ARSG: variants seen among roughly 807,000 people sequenced by gnomAD.
ARSG encodes arylsulfatase G, also known as ASG.
A neutral mutation model predicts 50.5 loss-of-function variants in ARSG; 37 were observed. The observed-to-expected ratio is 0.73, with a 90% CI of 0.56 to 0.96. ARSG has a LOEUF of 0.96. ARSG is among the 50% of genes least tolerant of loss of function. ARSG has a pLI of 0.00. For missense variants in ARSG, 629 were observed against 675.3 expected (o/e 0.93, Z 0.76); for synonymous variants, 225 against 254.6 (o/e 0.88, Z 1.11).
At chr17:68,265,232 G>A (rs1358542705) in intron 1 of ARSG, among the ~76,000 whole-genome samples, 1 of 151,760 alleles carries the variant, frequency 6.6e-6, no homozygotes, top group Non-Finnish European at 1.5e-5. Flanking sequence ...GGTGACTCAT[G>A]CCTGTAATCC....
chr17:68,448,822 C>T, the ARSG span, among the ~76,000 whole-genome samples: 92 of 152,270 alleles, frequency 6.0e-4, no homozygotes, highest in Admixed American at 1.7e-3. Context: ...GTGAAAACAC[C>T]TGAGTCAAGA....
rs2082708790 is a variant in ARSG, at chr17:68,420,550, C to A, written c.*87C>A. ...TTCATTTTTACCCTCTTTACAAACA[C>A]ACGCTTTAGTTTAGTCTTGGAGTTT... is the stretch of plus-strand genomic sequence containing the variant. On this transcript the variant is annotated 3_prime_UTR_variant, in exon 12 of 12. Coordinates refer to ENST00000621439, the MANE Select transcript of ARSG (RefSeq NM_001267727.2). The A allele has an allele frequency of 2.1e-6, 3 of 1,438,940 alleles. No homozygotes were observed. The highest frequency in any genetic ancestry group is 2.9e-6 in the Non-Finnish European group (3 of 1,042,376). The allele number at this position is 1,438,940 out of a possible 1,614,324, so 89.1% of individuals were successfully genotyped here.
At chr17:68,326,215 A>T (rs1157535393) in intron 2 of ARSG, among the ~76,000 whole-genome samples, 1 of 152,234 alleles carries the variant, frequency 6.6e-6, no homozygotes, top group Non-Finnish European at 1.5e-5. Flanking sequence ...GTGCTGCTGC[A>T]GGTGTAGCCG....
At chr17:68,366,353 G>A (rs1385617536) in intron 6 of ARSG, among the ~76,000 whole-genome samples, 1 of 152,098 alleles carries the variant, frequency 6.6e-6, no homozygotes, top group Non-Finnish European at 1.5e-5. Context: ...GCCAGATCTA[G>A]GCACCACTGC....
intron 4 of ARSG, among the ~76,000 whole-genome samples, chr17:68,351,221 GT>G (rs537898704): frequency 7.0e-4 from 100 of 143,264 alleles, no homozygotes; most frequent in Non-Finnish European, 1.1e-3. Context: ...AAGAACAACT[GT>G]TTTTTTTTTA....
chr17:68,265,154 C>G (rs1429751189), intron 1 of ARSG, among the ~76,000 whole-genome samples: 3 of 105,174 alleles, frequency 2.9e-5, no homozygotes, highest in Non-Finnish European at 5.8e-5. Flanking sequence ...AACTCCATCT[C>G]AGAAAAAAAA....
chr17:68,425,817 G>A, downstream of ARSG: 1 of 404,538 alleles, frequency 2.5e-6, no homozygotes, highest in Non-Finnish European at 4.4e-6. Context: ...TCTGGCTGGA[G>A]GGAGGCCACC....
intron 2 of ARSG, among the ~76,000 whole-genome samples, chr17:68,338,020 C>T (rs558299139): frequency 6.6e-6 from 1 of 152,306 alleles, no homozygotes; most frequent in East Asian, 1.9e-4. Flanking sequence ...ACCCCCCAGG[C>T]ATTCAGGTGC....
rs1251545830 is a variant in ARSG, at chr17:68,367,238, A to G, written c.705-1310A>G. On this transcript the variant is annotated intron_variant, in intron 6 of 11. Coordinates refer to ENST00000621439, the MANE Select transcript of ARSG (RefSeq NM_001267727.2). This position sits in a 1 kb window ranked among gnomAD's most constrained non-coding sequence, Gnocchi z 4.5. ...GGGACTTGTGTCCAGGGTTTTATGC[A>G]TAGCAAAGAGAACTGAGTGCAAGCA... Among the ~76,000 whole-genome samples, 1 of 152,212 alleles carries G rather than the reference A, an allele frequency of 6.6e-6. No homozygotes were observed. Among genetic ancestry groups the G allele is most frequent in the African/African-American group, 2.4e-5 (1 of 41,462 alleles).
intron 2 of ARSG, among the ~76,000 whole-genome samples, chr17:68,326,506 A>C (rs191814490): frequency 2.6e-5 from 4 of 152,288 alleles, no homozygotes; most frequent in Non-Finnish European, 5.9e-5. Flanking sequence ...CTCTACTCTA[A>C]ATACAAAAAT....
At chr17:68,370,765 A>G (rs1204376900) in intron 8 of ARSG, among the ~76,000 whole-genome samples, 3 of 152,068 alleles carry the variant, frequency 2.0e-5, no homozygotes. Context: ...GAACTTCCCA[A>G]AGGCGACCAG....
chr17:68,320,876 G>A (rs2077256726), intron 2 of ARSG, among the ~76,000 whole-genome samples: 1 of 152,168 alleles, frequency 6.6e-6, no homozygotes, highest in South Asian at 2.1e-4. Context: ...CTATGTGTAT[G>A]TCGCATTGTC....
At chr17:68,382,764 G>A (rs1026085437) in intron 8 of ARSG, among the ~76,000 whole-genome samples, 10 of 152,306 alleles carry the variant, frequency 6.6e-5, no homozygotes, top group Middle Eastern at 3.4e-3. Context: ...TTTTACAATT[G>A]CCTGTTCACA....
At chr17:68,357,359 T>A (rs2079078818) in intron 6 of ARSG, among the ~76,000 whole-genome samples, 1 of 152,182 alleles carries the variant, frequency 6.6e-6, no homozygotes, top group South Asian at 2.1e-4. Flanking sequence ...CCTTGCCTTT[T>A]CCAGCTTCTG....
At position 68,271,321 on chromosome 17, in the gene ARSG, T is replaced by A; in HGVS notation, c.-552+11895T>A. ...AATGGAGAAGTCTAATAGCGGGGCTTTCTTTTCGCTTGGCCTGGGGCTGGT... is the reference window on the plus strand; with the variant it reads ...AATGGAGAAGTCTAATAGCGGGGCTATCTTTTCGCTTGGCCTGGGGCTGGT... On this transcript the variant is annotated intron_variant, in intron 1 of 11. Coordinates refer to the ARSG transcript ENST00000448504. The surrounding 1 kb of genome is among the most constrained non-coding windows in gnomAD (Gnocchi z 5.3). The A allele has an allele frequency of 6.2e-7, 1 of 1,614,214 alleles. No homozygotes were observed. The highest frequency in any genetic ancestry group is 8.5e-7 in the Non-Finnish European group (1 of 1,180,042).
chr17:68,290,157 C>T (rs1555755353), upstream of ARSG, among the ~76,000 whole-genome samples: 1 of 152,178 alleles, frequency 6.6e-6, no homozygotes, highest in African/African-American at 2.4e-5. Context: ...GGAGCTGGCA[C>T]GGAGTGTCTA....
chr17:68,407,506 C>T (rs2081783058), intron 11 of ARSG, among the ~76,000 whole-genome samples: 1 of 151,926 alleles, frequency 6.6e-6, no homozygotes, highest in Admixed American at 6.6e-5. Flanking sequence ...GATGTGTTTC[C>T]ATTTGTTTGT....
At chr17:68,446,330 G>A in the ARSG span, among the ~76,000 whole-genome samples, 4 of 151,928 alleles carry the variant, frequency 2.6e-5, no homozygotes, top group African/African-American at 7.3e-5. Flanking sequence ...ACAGGTGTGC[G>A]CCACCATGCC....
In ARSG at chr17:68,370,444, G is replaced by A. The variant is rs1387346205; in HGVS notation, c.902G>A (p.Gly301Glu). 6.2e-7 allele frequency: 1 copy of A among 1,614,042 alleles called. No individual in the cohort carries two copies. ...VKENTFLWFT[G>E]DNGPWAQKCE... ...CATTAATGCTTTTTCTGGTTTCTAGGAGACAATGGCCCGTGGGCTCAGAAG... is the reference window on the plus strand; with the variant it reads ...CATTAATGCTTTTTCTGGTTTCTAGAAGACAATGGCCCGTGGGCTCAGAAG... The change falls in exon 8 of 12, where the codon GGA becomes GAA. Residue 301 changes from glycine to glutamate, a missense_variant and splice_region_variant. Physicochemically the swap from Gly to Glu is moderately conservative, Grantham distance 98. Transcript: ENST00000621439.
Sources: gnomAD v4.1 joint callset for allele counts (sites outside exome capture counted in the v4.1 genomes callset) on GRCh38, gnomAD v4.1.1 for gene constraint, Gnocchi (gnomAD v3.1) non-coding constraint, MANE v1.5 for transcripts, NCBI Gene and HGNC (gene_info 2026-07-23, HGNC 2026-07-21) for gene names.